Variants in IL17D observed in about 807,000 individuals in gnomAD.
IL17D encodes interleukin 17D, also known as interleukin-17D.
Under a neutral mutation model 5.7 loss-of-function variants are expected in IL17D, and 10 were observed. The observed-to-expected ratio is 1.75, with a 90% confidence interval of 1.08 to 2.97. The LOEUF (loss-of-function observed/expected upper bound fraction) is 2.97. Ranked by LOEUF, IL17D falls within the 30% of genes most tolerant of loss-of-function variation. IL17D has a pLI of 0.00. For missense variants in IL17D, 354 were observed against 292.7 expected, an observed-to-expected ratio of 1.21 and a Z score of -1.53; for synonymous variants, 172 against 141.7, an observed-to-expected ratio of 1.21 and a Z score of -1.52.
Position 20,721,618 on chromosome 13 carries a change from C to A in IL17D, c.291-18C>A. ...GGCTGCCCCCAGGCGTGACCTCACC[C>A]GTGCTCTCTCCCTGCAGAATCTCCT... On this transcript the variant is annotated intron_variant, in intron 1 of 1. Transcript: ENST00000682841. 1.3e-6 allele frequency: 2 copies of A among 1,573,318 alleles called. No homozygotes were observed. Among genetic ancestry groups the A allele is most frequent in the Non-Finnish European group, 1.7e-6 (2 of 1,156,448 alleles).
chr13:20,719,267 A>C (rs1172078131), intron 1 of IL17D, among the ~76,000 whole-genome samples: 4 of 114,752 alleles, frequency 3.5e-5, no homozygotes, highest in African/African-American at 6.8e-5. Flanking sequence ...GCCCACACAC[A>C]CCCCCACACC....
Position 20,716,665 on chromosome 13 carries a change from G to A in IL17D, c.291-4971G>A, listed in dbSNP as rs971499249. On this transcript the variant is annotated intron_variant, in intron 1 of 1. Coordinates refer to ENST00000682841, the MANE Select transcript of IL17D (RefSeq NM_001385224.1). The surrounding 1 kb of genome is among the most constrained non-coding windows in gnomAD (Gnocchi z 4.2). The stretch of plus-strand genomic sequence containing the variant: ...ATGGCTGCATCCTCCCCTTTTAAGA[G>A]AGTCTGCTGGGTTGAACTCATTGAC... Among the ~76,000 whole-genome samples the A allele has an allele frequency of 6.6e-6, 1 of 152,212 alleles. No individual in the cohort carries two copies. The highest frequency in any genetic ancestry group is 1.5e-5 in the Non-Finnish European group (1 of 68,038).
intron 1 of IL17D, among the ~76,000 whole-genome samples, chr13:20,720,003 C>T (rs1407497215): frequency 6.6e-6 from 1 of 152,134 alleles, no homozygotes; most frequent in Non-Finnish European, 1.5e-5. Flanking sequence ...CGGGATATAT[C>T]AAGTTTCCTA....
At position 20,715,525 on chromosome 13, in the gene IL17D, G is replaced by A. The variant is rs373401819; in HGVS notation, c.291-6111G>A. Among the ~76,000 whole-genome samples, 31 of 152,258 alleles carry A rather than the reference G, an allele frequency of 2.0e-4. No individual in the cohort carries two copies. In the East Asian group the frequency reaches 2.7e-3, roughly 13 times the overall value. On this transcript the variant is annotated intron_variant, in intron 1 of 1. Coordinates refer to ENST00000682841, the MANE Select transcript of IL17D (RefSeq NM_001385224.1). ...TGGCTAGCTAGCCTTTAGGGATAGC[G>A]CTTACGTTGTTGACTGTGCAGCCAG...
upstream of IL17D, chr13:20,703,373 TGCAGAGTC>T: frequency 1.0e-6 from 1 of 986,154 alleles, no homozygotes; most frequent in East Asian, 1.1e-4. Flanking sequence ...AGGCGAAAGG[TGCAGAGTC>T]GCTCTGTGTC....
chr13:20,711,600 A>G (rs988739083), intron 1 of IL17D, among the ~76,000 whole-genome samples: 1 of 152,208 alleles, frequency 6.6e-6, no homozygotes, highest in Non-Finnish European at 1.5e-5. Flanking sequence ...TAACTTTCAA[A>G]TAGACACCCT....
intron 1 of IL17D, among the ~76,000 whole-genome samples, chr13:20,704,694 C>G (rs556231526): frequency 6.6e-6 from 1 of 152,220 alleles, no homozygotes; most frequent in African/African-American, 2.4e-5. Flanking sequence ...CACCTCATCT[C>G]CTCCAGGTTG....
At chr13:20,710,537 G>A (rs1428047489) in intron 1 of IL17D, among the ~76,000 whole-genome samples, 1 of 147,398 alleles carries the variant, frequency 6.8e-6, no homozygotes, top group Non-Finnish European at 1.5e-5. Context: ...GCTGAGGCAG[G>A]AGAATCACTT....
At chr13:20,703,566 C>G, upstream of IL17D, 1 of 353,402 alleles carries the variant, frequency 2.8e-6, no homozygotes, top group Non-Finnish European at 4.0e-6. Flanking sequence ...GGCGGCGGGT[C>G]CGGGCGTCTT....
chr13:20,705,080 G>T (rs1157420436), intron 1 of IL17D, among the ~76,000 whole-genome samples: 1 of 152,076 alleles, frequency 6.6e-6, no homozygotes, highest in Non-Finnish European at 1.5e-5. Context: ...GCAGGGTGCC[G>T]CAGTGTCCTC....
rs1471317563 is a variant in IL17D, at chr13:20,722,939, A to G, written c.*985A>G. On this transcript the variant is annotated 3_prime_UTR_variant, in exon 2 of 2. Coordinates refer to ENST00000682841, the MANE Select transcript of IL17D (RefSeq NM_001385224.1). Reference sequence around the variant, plus strand: ...ATATGAGGACAAAGTGGGCCACGTTAGCATCTGCAGAGATCAATCTGGAGG... The same window carrying G: ...ATATGAGGACAAAGTGGGCCACGTTGGCATCTGCAGAGATCAATCTGGAGG... The G allele has an allele frequency of 6.6e-6, 1 of 152,246 alleles. No individual in the cohort carries two copies. Among genetic ancestry groups the G allele is most frequent in the East Asian group, 1.9e-4 (1 of 5,200 alleles). 9.4% of individuals were successfully genotyped at this position (152,246 alleles called of 1,614,324 possible). A position where few individuals can be genotyped will look rare whatever the true frequency, so the allele number is the denominator to read the frequency against.
At position 20,716,223 on chromosome 13, in the gene IL17D, G is replaced by A. The variant is rs2058678481; in HGVS notation, c.291-5413G>A. The A allele has an allele frequency of 1.3e-5, 4 of 317,720 alleles. No individual in the cohort carries two copies. The highest frequency in any genetic ancestry group is 1.8e-5 in the Non-Finnish European group (4 of 219,646). 19.7% of individuals were successfully genotyped at this position (317,720 alleles called of 1,614,324 possible). ...TCCCCAGAGGACGGCGGATGTCTTG[G>A]TATTACCATGGTTGTATAACGTCTT... On this transcript the variant is annotated intron_variant, in intron 1 of 1. Transcript: ENST00000682841. The surrounding 1 kb of genome is among the most constrained non-coding windows in gnomAD (Gnocchi z 4.2).
chr13:20,717,405 T>A (rs561595929), intron 1 of IL17D: 1 of 152,364 alleles, frequency 6.6e-6, no homozygotes, highest in Non-Finnish European at 1.5e-5. Context: ...TTTCTTGCTG[T>A]TTCTTTTTGG....
chr13:20,710,919 C>G (rs1016660035), intron 1 of IL17D, among the ~76,000 whole-genome samples: 2 of 152,072 alleles, frequency 1.3e-5, no homozygotes, highest in Admixed American at 1.3e-4. Flanking sequence ...AAGGAGTGTC[C>G]TAGGCTATTT....
Position 20,723,087 on chromosome 13 carries a change from C to G in IL17D, c.*1133C>G, listed in dbSNP as rs2058750482. On this transcript the variant is annotated 3_prime_UTR_variant, in exon 2 of 2. Transcript: ENST00000682841. ...TTCTTTTTTAAATCATTAAAAGAGG[C>G]TTGCTGAAGGATACACTGGCTGTGT... 2 of 152,148 alleles carry G rather than the reference C, an allele frequency of 1.3e-5. No individual in the cohort carries two copies. Among genetic ancestry groups the G allele is most frequent in the African/African-American group, 2.4e-5 (1 of 41,434 alleles). 9.4% of individuals were successfully genotyped at this position (152,148 alleles called of 1,614,324 possible). A position where few individuals can be genotyped will look rare whatever the true frequency, so the allele number is the denominator to read the frequency against.
At chr13:20,717,810 G>A (rs540026800) in intron 1 of IL17D, among the ~76,000 whole-genome samples, 84 of 152,276 alleles carry the variant, frequency 5.5e-4, no homozygotes, top group African/African-American at 1.9e-3. Context: ...AGCGGCGGGG[G>A]CAATTTCAGT....
chr13:20,708,858 A>AG, intron 1 of IL17D, among the ~76,000 whole-genome samples: 1 of 149,588 alleles, frequency 6.7e-6, no homozygotes, highest in East Asian at 1.9e-4. Context: ...AAAAAAAAAA[A>AG]AATTAGCCAG....
At chr13:20,721,545 G>A (rs916144867) in intron 1 of IL17D, 91 bp from the exon 2 acceptor site, 28 of 1,111,726 alleles carry the variant, frequency 2.5e-5, no homozygotes, top group Middle Eastern at 2.2e-4. Flanking sequence ...GACAGTCCCC[G>A]AGGCCCTCCC....
At chr13:20,718,364 G>A (rs1381189792) in intron 1 of IL17D, among the ~76,000 whole-genome samples, 1 of 151,812 alleles carries the variant, frequency 6.6e-6, no homozygotes, top group East Asian at 1.9e-4. Context: ...GCCCACAGAT[G>A]CCCACGCTCA....
Sources: gnomAD v4.1 joint callset for allele counts (sites outside exome capture counted in the v4.1 genomes callset) on GRCh38, gnomAD v4.1.1 for gene constraint, Gnocchi (gnomAD v3.1) non-coding constraint, MANE v1.5 for transcripts, NCBI Gene and HGNC (gene_info 2026-07-23, HGNC 2026-07-21) for gene names.